The following ADGRV1 variants were observed in gnomAD, a reference collection of about 807,000 sequenced individuals.
ADGRV1 encodes adhesion G protein-coupled receptor V1.
A neutral mutation model predicts 596.2 loss-of-function variants in ADGRV1; 359 were observed. The observed-to-expected ratio is 0.60, with a 90% CI of 0.55 to 0.66. The LOEUF is 0.66. ADGRV1 is among the 30% of genes least tolerant of loss of function. The probability of loss-of-function intolerance (pLI) is 0.00; values close to 1 mark genes in which losing one functional copy is unlikely to be tolerated. For synonymous variants in ADGRV1, 2,681 were observed against 2,679.2 expected (o/e 1.00, Z -0.02); for missense variants, 7,274 against 7,575.6 (o/e 0.96, Z 1.48).
At chr5:90,673,671 A>G (rs1463576832) in intron 22 of ADGRV1, among the ~76,000 whole-genome samples, 1 of 151,574 alleles carries the variant, frequency 6.6e-6, no homozygotes, top group African/African-American at 2.4e-5. Flanking sequence ...GGGCAAACAA[A>G]CTCCCTCAAC....
chr5:90,914,709 G>A (rs533632833), intron 83 of ADGRV1, among the ~76,000 whole-genome samples: 37 of 152,068 alleles, frequency 2.4e-4, no homozygotes, highest in Non-Finnish European at 4.0e-4. Context: ...AAGTTTATAG[G>A]TCAAGTTGTT....
intron 86 of ADGRV1, among the ~76,000 whole-genome samples, chr5:91,074,024 T>G (rs1253737293): frequency 1.3e-5 from 2 of 152,230 alleles, no homozygotes; most frequent in Admixed American, 1.3e-4. Flanking sequence ...GGTTAATTAA[T>G]TAATCTTAAC....
chr5:90,965,435 A>G lies in ADGRV1; in HGVS notation c.17877A>G (p.Ala5959=). 6.2e-7 allele frequency: 1 copy of G among 1,612,252 alleles called. No homozygotes were observed. The highest frequency in any genetic ancestry group is 8.5e-7 in the Non-Finnish European group (1 of 1,178,296). The part of the protein sequence containing the change: ...LGTQILFLAS[A]YASPQLAEES... The stretch of plus-strand genomic sequence containing the variant: ...TACAGATTCTGTTTCTGGCGTCTGC[A>G]TACGCAAGTCCCCAACTCGCTGAGG... Residue 5959 remains alanine (A), a synonymous_variant, in exon 84 of 90, where the codon GCA becomes GCG. Coordinates refer to ENST00000405460, the MANE Select transcript of ADGRV1 (RefSeq NM_032119.4).
At chr5:91,026,337 C>G (rs1030371287) in intron 85 of ADGRV1, among the ~76,000 whole-genome samples, 1 of 152,148 alleles carries the variant, frequency 6.6e-6, no homozygotes, top group Non-Finnish European at 1.5e-5. Flanking sequence ...AGCCAAAGAT[C>G]ATTTCACTGC....
intron 87 of ADGRV1, among the ~76,000 whole-genome samples, chr5:91,137,868 A>G (rs1269736604): frequency 6.6e-6 from 1 of 152,232 alleles, no homozygotes; most frequent in East Asian, 1.9e-4. Flanking sequence ...TTACTCAGTG[A>G]ATGAACCAAA....
intron 87 of ADGRV1, among the ~76,000 whole-genome samples, chr5:91,122,288 G>A (rs949205477): frequency 1.3e-5 from 2 of 152,130 alleles, no homozygotes; most frequent in African/African-American, 4.8e-5. Flanking sequence ...TGATGTTCTT[G>A]AACAAGAATA....
chr5:90,756,495 C>A lies in ADGRV1; in HGVS notation c.11622C>A (p.Ile3874=). The A allele has an allele frequency of 6.2e-7, 1 of 1,602,020 alleles. No homozygotes were observed. The highest frequency in any genetic ancestry group is 8.5e-7 in the Non-Finnish European group (1 of 1,173,846). The change falls in exon 56 of 90, where the codon ATC becomes ATA. Residue 3874 remains isoleucine, a synonymous_variant. Coordinates refer to ENST00000405460, the MANE Select transcript of ADGRV1 (RefSeq NM_032119.4). The part of the protein sequence containing the change: ...PELEEGFIVT[I]TEVNLVNSDF... The stretch of plus-strand genomic sequence containing the variant: ...TGGAGGAAGGATTTATTGTCACTAT[C>A]ACTGAGGTGAACCTGGTGAACTCTG...
chr5:90,853,160 G>T, intron 79 of ADGRV1, 124 bp from the exon 80 acceptor site: 1 of 890,550 alleles, frequency 1.1e-6, no homozygotes, highest in Non-Finnish European at 1.7e-6. Flanking sequence ...CTGCTTCTGG[G>T]TTTGTTGTGT....
At chr5:90,689,778 G>A (rs181706215) in intron 29 of ADGRV1, 83 bp from the exon 30 acceptor site, 9 of 889,204 alleles carry the variant, frequency 1.0e-5, no homozygotes, top group Non-Finnish European at 3.5e-6. Context: ...CATAAAGTTT[G>A]TTACCTGATA....
intron 83 of ADGRV1, among the ~76,000 whole-genome samples, chr5:90,919,537 G>C (rs549147070): frequency 2.6e-5 from 4 of 152,144 alleles, no homozygotes; most frequent in Non-Finnish European, 5.9e-5. Flanking sequence ...AATTAAAGTT[G>C]TTCCTCAAAG....
intron 87 of ADGRV1, among the ~76,000 whole-genome samples, chr5:91,132,538 A>G (rs1460552999): frequency 1.3e-5 from 2 of 152,258 alleles, no homozygotes; most frequent in Non-Finnish European, 2.9e-5. Flanking sequence ...TGTGGGAGGA[A>G]GATTTGAATA....
chr5:90,810,916 C>G lies in ADGRV1; in HGVS notation c.15656C>G (p.Thr5219Arg), dbSNP rs752738824. The change falls in exon 74 of 90, where the codon ACA becomes AGA. Residue 5219 changes from threonine (T) to arginine (R), a missense_variant. Physicochemically the swap from Thr to Arg is moderately conservative, Grantham distance 71. Transcript: ENST00000405460. ...TVTANVSIHG[T>R]FSLGPSIVYI... The stretch of plus-strand genomic sequence containing the variant: ...ACTGCCAATGTTTCCATTCATGGAA[C>G]ATTCAGCCTTGGGCCATCCATTGTT... The G allele has an allele frequency of 6.2e-7, 1 of 1,613,998 alleles. No individual in the cohort carries two copies. Among genetic ancestry groups the G allele is most frequent in the South Asian group, 1.1e-5 (1 of 91,086 alleles).
chr5:90,828,730 A>G (rs1444947381), intron 76 of ADGRV1, among the ~76,000 whole-genome samples: 1 of 152,172 alleles, frequency 6.6e-6, no homozygotes, highest in Non-Finnish European at 1.5e-5. Context: ...AAGCTCGCCC[A>G]GAGAAAGTAA....
At chr5:90,605,577 G>T (rs1324060909) in intron 1 of ADGRV1, among the ~76,000 whole-genome samples, 1 of 152,044 alleles carries the variant, frequency 6.6e-6, no homozygotes, top group East Asian at 1.9e-4. Context: ...GTCTTAGTAT[G>T]TACCATGGCA....
At position 90,753,655 on chromosome 5, in the gene ADGRV1, G is replaced by A. The variant is rs776007489; in HGVS notation, c.11203G>A (p.Val3735Met). ...TAATATACCAGAGTTATCAGAGGTT[G>A]TGATTGTAACCCTCACCCGTATCAC... ...ADNIPELSEVVIVTLTRITTE... is the reference protein window; with the variant it reads ...ADNIPELSEVMIVTLTRITTE... The change falls in exon 54 of 90, where the codon GTG (valine) becomes ATG (methionine). Residue 3735 changes from valine to methionine, a missense_variant. Around this residue, in one of 5 missense-constraint regions of ADGRV1, gnomAD observed 3,643 missense variants for 3,809.2 expected, o/e 0.96. Coordinates refer to ENST00000405460, the MANE Select transcript of ADGRV1 (RefSeq NM_032119.4). 2 of 1,613,616 alleles carry A rather than the reference G, an allele frequency of 1.2e-6. No individual in the cohort carries two copies. The highest frequency in any genetic ancestry group is 4.5e-5 in the East Asian group (2 of 44,858).
At chr5:90,978,036 C>A (rs1779761978) in intron 84 of ADGRV1, among the ~76,000 whole-genome samples, 1 of 152,054 alleles carries the variant, frequency 6.6e-6, no homozygotes, top group Admixed American at 6.6e-5. Context: ...GTAGCTCAAG[C>A]CTGTAATCCA....
chr5:91,026,378 C>T (rs1253758664), intron 85 of ADGRV1, among the ~76,000 whole-genome samples: 1 of 152,156 alleles, frequency 6.6e-6, no homozygotes, highest in Non-Finnish European at 1.5e-5. Flanking sequence ...AATTAAGCCT[C>T]CATTCTAAAG....
At position 90,810,265 on chromosome 5, in the gene ADGRV1, T is replaced by A. The variant is rs1762316109; in HGVS notation, c.15005T>A (p.Met5002Lys). The A allele has an allele frequency of 6.3e-7, 1 of 1,588,174 alleles. No individual in the cohort carries two copies. Among genetic ancestry groups the A allele is most frequent in the African/African-American group, 1.3e-5 (1 of 74,550 alleles). ...TTCATTGTTGCTGAAATTGAACCAA[T>A]GGGCGTCTTCCAATTTTCCACTAGC... ...SGFIVAEIEPMGVFQFSTSSR... is the reference protein window; with the variant it reads ...SGFIVAEIEPKGVFQFSTSSR... The change falls in exon 74 of 90, where the codon ATG becomes AAG. Residue 5002 changes from methionine (M) to lysine (K), a missense_variant. Physicochemically the swap from Met to Lys is moderately conservative, Grantham distance 95. Around this residue, in one of 5 missense-constraint regions of ADGRV1, gnomAD observed 1,874 missense variants for 1,970.2 expected, o/e 0.95. Transcript: ENST00000405460.
intron 83 of ADGRV1, among the ~76,000 whole-genome samples, chr5:90,956,305 A>C (rs1777475490): frequency 6.6e-6 from 1 of 152,184 alleles, no homozygotes; most frequent in Admixed American, 6.5e-5. Flanking sequence ...CCACTACCAA[A>C]ATAAAATGAA....
Sources: allele counts gnomAD v4.1 joint callset (sites outside exome capture counted in the v4.1 genomes callset), GRCh38; gene constraint gnomAD v4.1.1; regional missense constraint gnomAD v4.1.1; transcripts MANE v1.5; gene names NCBI Gene and HGNC (gene_info 2026-07-23, HGNC 2026-07-21).